The following EGLN1 variants were observed in gnomAD, a reference collection of about 807,000 sequenced individuals.
EGLN1 encodes egl-9 family hypoxia inducible factor 1.
A neutral mutation model predicts 38.3 loss-of-function variants in EGLN1; 17 were observed. The observed-to-expected ratio is 0.44, with a 90% CI of 0.30 to 0.67. EGLN1 has a LOEUF of 0.67. Among genes scored for constraint, EGLN1 ranks in the 30% least tolerant of loss-of-function variants. The pLI is 0.08. For missense variants in EGLN1, 477 were observed against 603.3 expected (o/e 0.79, Z 2.19); for synonymous variants, 283 against 257.5 (o/e 1.10, Z -0.95).
intron 2 of EGLN1, among the ~76,000 whole-genome samples, chr1:231,372,008 T>A (rs1687836318): frequency 6.6e-6 from 1 of 152,214 alleles, no homozygotes; most frequent in African/African-American, 2.4e-5. Flanking sequence ...TGCAAACATC[T>A]AAAGAACCTC....
intron 3 of EGLN1, 81 bp from the exon 4 acceptor site, chr1:231,367,717 C>A (rs893610075): frequency 4.1e-5 from 49 of 1,187,738 alleles, no homozygotes; most frequent in Non-Finnish European, 6.0e-5. Context: ...TATATTAAAA[C>A]TTGTAATGCC....
intron 1 of EGLN1, among the ~76,000 whole-genome samples, chr1:231,407,155 C>T (rs879376660): frequency 6.6e-6 from 1 of 152,102 alleles, no homozygotes; most frequent in Admixed American, 6.5e-5. Flanking sequence ...GTGAGAAAAC[C>T]AGATTCAAAT....
chr1:231,418,942 A>G (rs182379072), intron 1 of EGLN1, among the ~76,000 whole-genome samples: 1 of 152,244 alleles, frequency 6.6e-6, no homozygotes, highest in East Asian at 1.9e-4. Context: ...TGGTTGCTCA[A>G]TATACGGTGG....
At chr1:231,385,251 C>A (rs1381396817) in intron 1 of EGLN1, among the ~76,000 whole-genome samples, 1 of 152,168 alleles carries the variant, frequency 6.6e-6, no homozygotes, top group Non-Finnish European at 1.5e-5. Context: ...TGGGAGAGAT[C>A]AGGAGTTCAG....
intron 1 of EGLN1, among the ~76,000 whole-genome samples, chr1:231,408,715 G>A (rs577665242): frequency 1.3e-5 from 2 of 152,214 alleles, no homozygotes; most frequent in Admixed American, 6.5e-5. Flanking sequence ...CTATAGTAGA[G>A]GAAATGGGAA....
Position 231,366,246 on chromosome 1 carries a change from G to T in EGLN1, c.*165C>A. 2.9e-6 allele frequency: 2 copies of T among 700,902 alleles called. No individual in the cohort carries two copies. The highest frequency in any genetic ancestry group is 5.0e-6 in the Non-Finnish European group (2 of 400,104). 43.4% of individuals were successfully genotyped at this position (700,902 alleles called of 1,614,324 possible). A position where few individuals can be genotyped will look rare whatever the true frequency, so the allele number is the denominator to read the frequency against. ...GTTGATCATGCAGTACAAAGTCACA[G>T]CAGTCAAAATCTTCTGTTTGATGCA... On this transcript the variant is annotated 3_prime_UTR_variant, in exon 5 of 5. Transcript: ENST00000366641.
chr1:231,418,828 C>G (rs1039251331), intron 1 of EGLN1, among the ~76,000 whole-genome samples: 1 of 150,070 alleles, frequency 6.7e-6, no homozygotes, highest in African/African-American at 2.5e-5. Flanking sequence ...CACCCTTGTA[C>G]TCCAGCCAGG....
chr1:231,397,694 C>T (rs1688565020), intron 1 of EGLN1, among the ~76,000 whole-genome samples: 1 of 152,162 alleles, frequency 6.6e-6, no homozygotes, highest in Non-Finnish European at 1.5e-5. Context: ...GTCTTCAGCA[C>T]AGTTCTACAG....
chr1:231,382,658 G>C (rs1037791475), intron 1 of EGLN1, among the ~76,000 whole-genome samples: 1 of 152,172 alleles, frequency 6.6e-6, no homozygotes, highest in African/African-American at 2.4e-5. Flanking sequence ...ACTCCTGCTG[G>C]TTCTGTTAGT....
intron 1 of EGLN1, among the ~76,000 whole-genome samples, chr1:231,396,683 T>C (rs766802092): frequency 3.4e-4 from 51 of 152,178 alleles, no homozygotes; most frequent in Non-Finnish European, 5.0e-4. Flanking sequence ...ATAAAACCAA[T>C]TTCCATCTGG....
intron 2 of EGLN1, 82 bp from the exon 3 acceptor site, chr1:231,370,780 T>C (rs1687801451): frequency 6.9e-7 from 1 of 1,450,818 alleles, no homozygotes; most frequent in African/African-American, 1.4e-5. Flanking sequence ...AGAGACAATT[T>C]CAATGTCTTA....
chr1:231,371,787 CTA>C (rs1049298107), intron 2 of EGLN1, among the ~76,000 whole-genome samples: 1 of 152,170 alleles, frequency 6.6e-6, no homozygotes, highest in Non-Finnish European at 1.5e-5. Flanking sequence ...TCTTGAATAA[CTA>C]CACTCCTAAG....
At chr1:231,381,035 T>G (rs529712218) in intron 1 of EGLN1, among the ~76,000 whole-genome samples, 9 of 152,138 alleles carry the variant, frequency 5.9e-5, no homozygotes, top group Admixed American at 5.9e-4. Flanking sequence ...TCCTCCCAAG[T>G]AGCTGGGAGT....
chr1:231,389,216 A>G (rs1688307898), intron 1 of EGLN1, among the ~76,000 whole-genome samples: 1 of 152,232 alleles, frequency 6.6e-6, no homozygotes. Flanking sequence ...GCATTTACTG[A>G]CAAATTACTA....
chr1:231,416,975 G>C (rs1689100034), intron 1 of EGLN1, among the ~76,000 whole-genome samples: 1 of 152,186 alleles, frequency 6.6e-6, no homozygotes, highest in South Asian at 2.1e-4. Flanking sequence ...ATGGAAAAAG[G>C]AGATAAAGGT....
At chr1:231,371,805 A>G (rs1687830931) in intron 2 of EGLN1, among the ~76,000 whole-genome samples, 1 of 152,192 alleles carries the variant, frequency 6.6e-6, no homozygotes, top group African/African-American at 2.4e-5. Context: ...CTAAGCAGGT[A>G]GACTCTTAAA....
intron 1 of EGLN1, among the ~76,000 whole-genome samples, chr1:231,386,913 G>A (rs778256918): frequency 1.3e-4 from 20 of 152,100 alleles, no homozygotes; most frequent in Admixed American, 7.2e-4. Flanking sequence ...AGGCTAGGGC[G>A]CAGTGGCTTG....
intron 1 of EGLN1, among the ~76,000 whole-genome samples, chr1:231,420,519 T>C (rs535121030): frequency 7.8e-4 from 119 of 152,316 alleles, no homozygotes; most frequent in Middle Eastern, 3.4e-3. Context: ...GGCAAATTCC[T>C]AACTGAACAC....
intron 1 of EGLN1, among the ~76,000 whole-genome samples, chr1:231,411,478 A>G (rs1396842274): frequency 6.6e-6 from 1 of 152,138 alleles, no homozygotes; most frequent in Non-Finnish European, 1.5e-5. Context: ...GTCCTTTTCA[A>G]TTTACTTCTT....
Sources: allele counts gnomAD v4.1 joint callset (sites outside exome capture counted in the v4.1 genomes callset), GRCh38; gene constraint gnomAD v4.1.1; transcripts MANE v1.5; gene names NCBI Gene and HGNC (gene_info 2026-07-23, HGNC 2026-07-21).